EXOC5: variants seen among roughly 807,000 people sequenced by gnomAD.
EXOC5 encodes the protein SEC10-like 1.
A neutral mutation model predicts 90.8 loss-of-function variants in EXOC5; 17 were observed. The observed-to-expected ratio is 0.19, with a 90% CI of 0.13 to 0.28. The LOEUF is 0.28. Among genes scored for constraint, EXOC5 ranks in the 10% least tolerant of loss-of-function variants. The pLI is 1.00. For missense variants in EXOC5, 569 were observed against 830.6 expected, an observed-to-expected ratio of 0.69 and a Z score of 3.87; for synonymous variants, 260 against 270.0, an observed-to-expected ratio of 0.96 and a Z score of 0.36.
At chr14:57,240,889 GTCAC>G (rs1883839455) in intron 4 of EXOC5, among the ~76,000 whole-genome samples, 1 of 152,026 alleles carries the variant, frequency 6.6e-6, no homozygotes, top group East Asian at 1.9e-4. Flanking sequence ...GTCTTGCTCG[GTCAC>G]TCAGACTGGA....
At chr14:57,241,217 A>T (rs1816500503) in intron 4 of EXOC5, among the ~76,000 whole-genome samples, 1 of 152,166 alleles carries the variant, frequency 6.6e-6, no homozygotes, top group South Asian at 2.1e-4. Context: ...ACAACAGCAG[A>T]GCCTCTTCTC....
At chr14:57,217,028 A>G (rs140416088) in intron 15 of EXOC5, among the ~76,000 whole-genome samples, 5 of 152,346 alleles carry the variant, frequency 3.3e-5, no homozygotes, top group Admixed American at 6.5e-5. Context: ...GGTGCTCAAC[A>G]TCACTAGTCA....
chr14:57,218,256 A>G (rs1015924103), intron 14 of EXOC5, among the ~76,000 whole-genome samples, 188 bp from the exon 15 acceptor site: 1 of 152,090 alleles, frequency 6.6e-6, no homozygotes, highest in Non-Finnish European at 1.5e-5. Context: ...ACTATGCCCA[A>G]TTCATTATAA....
intron 1 of EXOC5, among the ~76,000 whole-genome samples, chr14:57,256,689 TG>T (rs2139665097): frequency 6.6e-6 from 1 of 152,322 alleles, no homozygotes; most frequent in Non-Finnish European, 1.5e-5. Context: ...AAAGCCTTCA[TG>T]GGCAGATTTT....
intron 1 of EXOC5, among the ~76,000 whole-genome samples, chr14:57,250,019 G>A (rs539551802): frequency 2.0e-5 from 3 of 152,034 alleles, no homozygotes; most frequent in Non-Finnish European, 2.9e-5. Context: ...TGATCCGCCC[G>A]CCTCAGCCTC....
At chr14:57,236,021 C>A (rs941034443) in intron 6 of EXOC5, among the ~76,000 whole-genome samples, 1 of 152,114 alleles carries the variant, frequency 6.6e-6, no homozygotes, top group Non-Finnish European at 1.5e-5. Context: ...AGACAAAAAA[C>A]TTCCAAACTG....
intron 3 of EXOC5, 100 bp from the exon 4 acceptor site, chr14:57,244,459 T>C (rs748033349): frequency 1.7e-4 from 148 of 851,566 alleles, no homozygotes; most frequent in Non-Finnish European, 2.7e-4. Context: ...ACAGAAGTTA[T>C]ATACGAGATG....
intron 3 of EXOC5, among the ~76,000 whole-genome samples, chr14:57,245,303 A>C (rs911642893): frequency 2.6e-5 from 4 of 152,180 alleles, no homozygotes; most frequent in Non-Finnish European, 5.9e-5. Context: ...GAAGAGCTGT[A>C]AACATTTATT....
chr14:57,230,554 T>G (rs977930292), intron 11 of EXOC5, among the ~76,000 whole-genome samples: 4 of 152,142 alleles, frequency 2.6e-5, no homozygotes, highest in African/African-American at 9.7e-5. Flanking sequence ...TAATCATTAT[T>G]TAATACACAA....
intron 12 of EXOC5, among the ~76,000 whole-genome samples, chr14:57,227,726 C>A (rs762899832): frequency 1.3e-5 from 2 of 152,054 alleles, no homozygotes; most frequent in South Asian, 4.1e-4. Flanking sequence ...TTGTAAACTG[C>A]GTATGCGTAT....
intron 14 of EXOC5, among the ~76,000 whole-genome samples, chr14:57,219,060 G>T (rs548478251): frequency 5.3e-4 from 81 of 152,060 alleles, no homozygotes; most frequent in Non-Finnish European, 1.0e-3. Context: ...TGAGATTTCA[G>T]TTTTAGGTTT....
rs1356406060 is a variant in EXOC5, at chr14:57,265,405, GGA to G, written c.27+3215_27+3216del. Among the ~76,000 whole-genome samples, 6 of 152,216 alleles carry G rather than the reference GGA, an allele frequency of 3.9e-5. No individual in the cohort carries two copies. The East Asian group carries it at 1.2e-3, about 29-fold the overall frequency. ...GAATGTCCTCAGTAGTACAATAAAA[GGA>G]GAGAGGAACATTTGCAACAACATAA... On this transcript the variant is annotated intron_variant, in intron 1 of 17. Transcript: ENST00000621441.
chr14:57,246,925 A>G, intron 2 of EXOC5, 67 bp from the exon 3 acceptor site: 1 of 887,436 alleles, frequency 1.1e-6, no homozygotes, highest in Non-Finnish European at 1.7e-6. Flanking sequence ...TGACCAGTTA[A>G]CTTATAATCA....
In EXOC5 at chr14:57,256,438, T is replaced by C. The variant is rs1884351616; in HGVS notation, c.28-8726A>G. ...AGAGGTGAGAGACAGTGAATATCAG[T>C]TGCAACTCCGAGACCAGCTATAGCA... On this transcript the variant is annotated intron_variant, in intron 1 of 17. Transcript: ENST00000621441. Among the ~76,000 whole-genome samples the C allele has an allele frequency of 2.0e-5, 3 of 152,172 alleles. 1 individual carries two copies. Among genetic ancestry groups the C allele is most frequent in the Admixed American group, 2.0e-4 (3 of 15,272 alleles).
At chr14:57,243,973 C>T (rs1413086682) in intron 4 of EXOC5, 192 bp downstream of exon 4, 1 of 449,994 alleles carries the variant, frequency 2.2e-6, no homozygotes, top group Non-Finnish European at 3.9e-6. Flanking sequence ...CCCAATTAAA[C>T]ATCTCAATAT....
rs764346169 is a variant in EXOC5, at chr14:57,231,502, T to G, written c.1148+4A>C. The G allele has an allele frequency of 7.5e-6, 12 of 1,593,220 alleles. No individual in the cohort carries two copies. In the East Asian group the frequency reaches 2.7e-4, roughly 36 times the overall value. On this transcript the variant is annotated splice_donor_region_variant and intron_variant, in intron 11 of 17. Transcript: ENST00000621441. ...TAACAGAAGTATTTAACAAAAATACTCACCCTCCTGTGCCAATGGATCTCT... is the reference window on the plus strand; with the variant it reads ...TAACAGAAGTATTTAACAAAAATACGCACCCTCCTGTGCCAATGGATCTCT...
intron 4 of EXOC5, among the ~76,000 whole-genome samples, chr14:57,242,402 G>C (rs533036580): frequency 2.9e-5 from 4 of 136,960 alleles, no homozygotes; most frequent in Non-Finnish European, 1.5e-5. Flanking sequence ...GTGCCACAAC[G>C]GTCAGCTAAT....
At chr14:57,214,306 C>T (rs1278623797) in intron 15 of EXOC5, among the ~76,000 whole-genome samples, 1 of 152,038 alleles carries the variant, frequency 6.6e-6, no homozygotes, top group East Asian at 1.9e-4. Context: ...TCAAATAAAC[C>T]GTGTGCTGTG....
At chr14:57,234,571 T>TC (rs200771734) in intron 7 of EXOC5, among the ~76,000 whole-genome samples, 66 of 145,516 alleles carry the variant, frequency 4.5e-4, no homozygotes, top group East Asian at 3.7e-3. Flanking sequence ...ATATATTTCT[T>TC]TTTTTTTTTT....
Sources: allele counts gnomAD v4.1 joint callset (sites outside exome capture counted in the v4.1 genomes callset), GRCh38; gene constraint gnomAD v4.1.1; transcripts MANE v1.5; gene names NCBI Gene and HGNC (gene_info 2026-07-23, HGNC 2026-07-21).